The following TMEM117 variants were observed in gnomAD, a reference collection of about 807,000 sequenced individuals.
The protein encoded by TMEM117 is transmembrane protein 117.
Under a neutral mutation model 52.4 loss-of-function variants are expected in TMEM117, and 27 were observed. The ratio of observed to expected loss-of-function variants is 0.51; its 90% CI spans 0.38 to 0.71. TMEM117 has a LOEUF of 0.71. TMEM117 is among the 30% of genes least tolerant of loss of function. TMEM117 has a pLI of 0.00. For synonymous variants in TMEM117, 215 were observed against 206.3 expected, an observed-to-expected ratio of 1.04 and a Z score of -0.36; for missense variants, 556 against 630.5, an observed-to-expected ratio of 0.88 and a Z score of 1.26.
intron 5 of TMEM117, among the ~76,000 whole-genome samples, chr12:44,237,934 T>C (rs901237226): frequency 2.6e-5 from 4 of 152,298 alleles, no homozygotes; most frequent in Admixed American, 6.5e-5. Context: ...TTTGTATGCA[T>C]TGAGAATATA....
intron 2 of TMEM117, among the ~76,000 whole-genome samples, chr12:43,891,266 A>G (rs945448630): frequency 6.6e-6 from 1 of 152,222 alleles, no homozygotes; most frequent in East Asian, 1.9e-4. Context: ...CAAAACACAC[A>G]GAAGTACCTG....
In TMEM117 at chr12:44,147,664, G is replaced by A. The variant is rs957875946; in HGVS notation, c.510+4040G>A. Among the ~76,000 whole-genome samples, 5 of 152,102 alleles carry A rather than the reference G, an allele frequency of 3.3e-5. No individual in the cohort carries two copies. In the South Asian group the frequency reaches 6.2e-4, roughly 19 times the overall value. On this transcript the variant is annotated intron_variant, in intron 4 of 7. Coordinates refer to ENST00000266534, the MANE Select transcript of TMEM117 (RefSeq NM_032256.3). ...AAGAAGACAACTCTGGGCCGGGCGCGGTGGCTCACACCTGTAACCCCAGCA... is the reference window on the plus strand; with the variant it reads ...AAGAAGACAACTCTGGGCCGGGCGCAGTGGCTCACACCTGTAACCCCAGCA...
chr12:44,339,811 A>G (rs553307476), intron 6 of TMEM117, among the ~76,000 whole-genome samples: 1 of 151,868 alleles, frequency 6.6e-6, no homozygotes, highest in Admixed American at 6.6e-5. Context: ...AATACTTTTA[A>G]TTTTCCCTAA....
intron 6 of TMEM117, among the ~76,000 whole-genome samples, chr12:44,363,392 G>A (rs909542245): frequency 1.3e-5 from 2 of 152,092 alleles, no homozygotes; most frequent in African/African-American, 4.8e-5. Context: ...AGCTAGAAGG[G>A]TGGCAAGCAA....
intron 6 of TMEM117, among the ~76,000 whole-genome samples, chr12:44,369,114 T>C (rs1461598341): frequency 6.6e-6 from 1 of 152,206 alleles, no homozygotes; most frequent in African/African-American, 2.4e-5. Context: ...ATTTGCCTAG[T>C]GAAGGAGTAC....
At chr12:44,227,032 C>T (rs1441099097) in intron 5 of TMEM117, among the ~76,000 whole-genome samples, 2 of 152,054 alleles carry the variant, frequency 1.3e-5, no homozygotes, top group Admixed American at 6.6e-5. Flanking sequence ...AACTTCATTT[C>T]ATGGATTTTC....
intron 4 of TMEM117, among the ~76,000 whole-genome samples, chr12:44,164,185 T>G (rs1235343826): frequency 1.3e-5 from 2 of 152,176 alleles, no homozygotes; most frequent in African/African-American, 4.8e-5. Flanking sequence ...ACTTCTTTTT[T>G]TCTTCAATGA....
the TMEM117 span, chr12:43,802,287 T>G: frequency 4.0e-6 from 6 of 1,510,758 alleles, no homozygotes; most frequent in African/African-American, 8.7e-5. Context: ...GTTACTTACA[T>G]GAGAATGATC....
intron 5 of TMEM117, among the ~76,000 whole-genome samples, chr12:44,236,787 G>A (rs544139219): frequency 1.3e-5 from 2 of 151,880 alleles, no homozygotes; most frequent in African/African-American, 2.4e-5. Flanking sequence ...ACAGATTTTC[G>A]TCAATACAAG....
At chr12:43,919,996 A>T (rs544662584) in intron 2 of TMEM117, among the ~76,000 whole-genome samples, 58 of 151,928 alleles carry the variant, frequency 3.8e-4, no homozygotes, top group Non-Finnish European at 6.3e-4. Flanking sequence ...GGACCTCTTC[A>T]TTCTGTTACT....
intron 2 of TMEM117, among the ~76,000 whole-genome samples, chr12:43,943,781 A>G (rs890348554): frequency 6.6e-6 from 1 of 152,218 alleles, no homozygotes; most frequent in Non-Finnish European, 1.5e-5. Flanking sequence ...CCTTGGTTTT[A>G]TCATCTGGCC....
At chr12:44,341,934 A>G (rs1193621154) in intron 6 of TMEM117, among the ~76,000 whole-genome samples, 1 of 152,148 alleles carries the variant, frequency 6.6e-6, no homozygotes, top group African/African-American at 2.4e-5. Context: ...TTCTCTCATC[A>G]TGAAAACTGT....
At chr12:44,234,446 CT>C (rs1949969985) in intron 5 of TMEM117, among the ~76,000 whole-genome samples, 1 of 151,118 alleles carries the variant, frequency 6.6e-6, no homozygotes, top group Admixed American at 6.6e-5. Flanking sequence ...GTAGTGATGG[CT>C]TTTTTATCAT....
intron 4 of TMEM117, among the ~76,000 whole-genome samples, chr12:44,208,725 G>GTTTTTTTTTTT (rs5797892): frequency 1.5e-5 from 1 of 68,826 alleles, no homozygotes; most frequent in African/African-American, 5.2e-5. Context: ...CAGAAAGAAT[G>GTTTTTTTTTTT]TTTTTTTTTT....
At chr12:44,230,722 A>T (rs1949921578) in intron 5 of TMEM117, among the ~76,000 whole-genome samples, 2 of 152,056 alleles carry the variant, frequency 1.3e-5, no homozygotes, top group African/African-American at 4.8e-5. Flanking sequence ...TTTTAATAGA[A>T]TCTCAAAGCT....
chr12:44,247,453 C>T (rs1950144591), intron 5 of TMEM117, among the ~76,000 whole-genome samples: 1 of 152,058 alleles, frequency 6.6e-6, no homozygotes. Context: ...ATAATTGATA[C>T]AACAATTGTA....
chr12:44,205,692 T>C (rs1179728144), intron 4 of TMEM117, among the ~76,000 whole-genome samples: 1 of 151,830 alleles, frequency 6.6e-6, no homozygotes, highest in East Asian at 1.9e-4. Flanking sequence ...ATTAGAGAAA[T>C]GCAAATCAAA....
intron 4 of TMEM117, among the ~76,000 whole-genome samples, chr12:44,198,899 A>G (rs1949455747): frequency 6.6e-6 from 1 of 152,192 alleles, no homozygotes; most frequent in Non-Finnish European, 1.5e-5. Flanking sequence ...CATAAAAAAA[A>G]TGGAGTCATT....
intron 3 of TMEM117, among the ~76,000 whole-genome samples, chr12:44,060,725 G>A (rs1349677962): frequency 1.3e-5 from 2 of 152,178 alleles, no homozygotes; most frequent in African/African-American, 4.8e-5. Flanking sequence ...TGGGAGGAAG[G>A]TTAGAGCTGT....
Sources: allele counts gnomAD v4.1 joint callset (sites outside exome capture counted in the v4.1 genomes callset), GRCh38; gene constraint gnomAD v4.1.1; transcripts MANE v1.5; gene names NCBI Gene and HGNC (gene_info 2026-07-23, HGNC 2026-07-21).